Variants in PLEKHH2 observed in about 807,000 individuals in gnomAD.
PLEKHH2 encodes pleckstrin homology domain-containing family H member 2.
In PLEKHH2, 129 loss-of-function variants were observed where a neutral mutation model predicts 187.9. The observed-to-expected ratio is 0.69, with a 90% CI of 0.59 to 0.79. The LOEUF is 0.79. Among genes scored for constraint, PLEKHH2 ranks in the 30% least tolerant of loss-of-function variants. The pLI, the probability that PLEKHH2 is intolerant of heterozygous loss-of-function variation, is 0.00. For missense variants in PLEKHH2, 2,076 were observed against 1,751.2 expected (o/e 1.19, Z -3.31); for synonymous variants, 686 against 605.6 (o/e 1.13, Z -1.95).
chr2:43,685,176 A>G (rs1320670876), intron 3 of PLEKHH2, among the ~76,000 whole-genome samples: 2 of 152,220 alleles, frequency 1.3e-5, no homozygotes, highest in African/African-American at 4.8e-5. Context: ...TCATTCAACC[A>G]TGTCCTAAGA....
Position 43,678,315 on chromosome 2 carries a change from G to A in PLEKHH2, c.124-548G>A, listed in dbSNP as rs1411318590. 1.2e-4 allele frequency among the ~76,000 whole-genome samples: 18 copies of A among 152,226 alleles called. No individual in the cohort carries two copies. In the South Asian group the frequency reaches 3.1e-3, roughly 26 times the overall value. ...TCACTTCCCAGACGGGGTGGCGGCC[G>A]GGCAGAGGCTGCAATCTCGGCACTT... On this transcript the variant is annotated intron_variant, in intron 2 of 29. Transcript: ENST00000282406.
chr2:43,638,610 T>C (rs2104306520), intron 1 of PLEKHH2, among the ~76,000 whole-genome samples: 1 of 152,326 alleles, frequency 6.6e-6, no homozygotes, highest in East Asian at 1.9e-4. Context: ...AATCTAGACA[T>C]GATAGATTCC....
chr2:43,713,660 G>GCT (rs1553342331), intron 15 of PLEKHH2, among the ~76,000 whole-genome samples: 2 of 133,992 alleles, frequency 1.5e-5, no homozygotes, highest in African/African-American at 2.7e-5. Flanking sequence ...GCTTAATTCT[G>GCT]TTTTTTTTTT....
At chr2:43,726,196 G>A in intron 16 of PLEKHH2, 76 bp from the exon 17 acceptor site, 2 of 925,840 alleles carry the variant, frequency 2.2e-6, no homozygotes, top group South Asian at 4.0e-5. Context: ...ATTTAAAAAT[G>A]AAAAGGACTA....
intron 2 of PLEKHH2, among the ~76,000 whole-genome samples, chr2:43,660,254 G>A (rs1666999595): frequency 6.6e-6 from 1 of 152,084 alleles, no homozygotes; most frequent in Admixed American, 6.6e-5. Context: ...TTGTACGTGT[G>A]CACCATGATG....
chr2:43,748,034 G>C (rs893453317), intron 24 of PLEKHH2, among the ~76,000 whole-genome samples: 1 of 152,146 alleles, frequency 6.6e-6, no homozygotes, highest in Non-Finnish European at 1.5e-5. Context: ...ACACTCACAT[G>C]TTTATTACTA....
chr2:43,701,886 G>C (rs1310780793), intron 8 of PLEKHH2, among the ~76,000 whole-genome samples: 1 of 150,932 alleles, frequency 6.6e-6, no homozygotes, highest in Non-Finnish European at 1.5e-5. Flanking sequence ...TCCTGCCTTA[G>C]CCTCCCAAGT....
chr2:43,724,576 T>C (rs1253489031), intron 16 of PLEKHH2, among the ~76,000 whole-genome samples: 3 of 152,230 alleles, frequency 2.0e-5, no homozygotes, highest in East Asian at 1.9e-4. Context: ...AAGTTTTTCT[T>C]ACCCTTAAGA....
At position 43,637,340 on chromosome 2, in the gene PLEKHH2, T is replaced by C. The variant is rs1703151912; in HGVS notation, c.-43T>C. 6.6e-6 allele frequency: 1 copy of C among 152,242 alleles called. No individual in the cohort carries two copies. Among genetic ancestry groups the C allele is most frequent in the Non-Finnish European group, 1.5e-5 (1 of 68,168 alleles). 9.4% of individuals were successfully genotyped at this position (152,242 alleles called of 1,614,324 possible). A position where few individuals can be genotyped will look rare whatever the true frequency, so the allele number is the denominator to read the frequency against. On this transcript the variant is annotated 5_prime_UTR_variant, in exon 1 of 30. Coordinates refer to ENST00000282406, the MANE Select transcript of PLEKHH2 (RefSeq NM_172069.4). ...CCGGGGGCCAGTCGCGGCCGGGACA[T>C]CGGGCGCTGCGGCCGGGGACCCGCT...
chr2:43,738,294 A>G (rs777656281), intron 19 of PLEKHH2, 47 bp from the exon 20 acceptor site: 40 of 1,462,590 alleles, frequency 2.7e-5, no homozygotes, highest in Non-Finnish European at 3.6e-5. Flanking sequence ...TGCAGAATAA[A>G]TCTAATCACT....
At chr2:43,720,317 G>C (rs1367030438) in intron 15 of PLEKHH2, among the ~76,000 whole-genome samples, 5 of 151,738 alleles carry the variant, frequency 3.3e-5, no homozygotes, top group Admixed American at 6.6e-5. Context: ...TTTAGATATA[G>C]GGGGTGCACG....
Position 43,726,302 on chromosome 2 carries a change from G to A in PLEKHH2, c.2572G>A (p.Ala858Thr), listed in dbSNP as rs376834390. The change falls in exon 17 of 30, where the codon GCT becomes ACT. Residue 858 changes from alanine (A) to threonine (T), a missense_variant. Coordinates refer to ENST00000282406, the MANE Select transcript of PLEKHH2 (RefSeq NM_172069.4). ...TTTAGGTCAGATCAAACTCTGGGAGGCTAAAGTGGAAGAGGTTGACAGATC... is the reference window on the plus strand; with the variant it reads ...TTTAGGTCAGATCAAACTCTGGGAGACTAAAGTGGAAGAGGTTGACAGATC... ...FPLGQIKLWEAKVEEVDRSCD... is the reference protein window; with the variant it reads ...FPLGQIKLWETKVEEVDRSCD... The A allele has an allele frequency of 4.3e-6, 7 of 1,612,008 alleles. No homozygotes were observed. Among genetic ancestry groups the A allele is most frequent in the Middle Eastern group, 1.6e-4 (1 of 6,080 alleles).
chr2:43,694,975 T>C (rs1445684373), intron 5 of PLEKHH2, among the ~76,000 whole-genome samples, 168 bp from the exon 6 acceptor site: 1 of 152,156 alleles, frequency 6.6e-6, no homozygotes, highest in African/African-American at 2.4e-5. Flanking sequence ...ATTATCTAGG[T>C]CGATAGCCTA....
intron 24 of PLEKHH2, among the ~76,000 whole-genome samples, chr2:43,747,109 C>CCCTCT (rs1671814983): frequency 1.6e-5 from 2 of 126,190 alleles, no homozygotes; most frequent in African/African-American, 6.4e-5. Context: ...TCTCTCTCTC[C>CCCTCT]CTCTCTCTCT....
intron 2 of PLEKHH2, among the ~76,000 whole-genome samples, chr2:43,651,910 A>G (rs1226274432): frequency 6.6e-6 from 1 of 152,070 alleles, no homozygotes; most frequent in Non-Finnish European, 1.5e-5. Context: ...TCCTGTTTTT[A>G]TGTTTGTAAT....
At chr2:43,714,601 G>A (rs540871335) in intron 15 of PLEKHH2, among the ~76,000 whole-genome samples, 5 of 152,294 alleles carry the variant, frequency 3.3e-5, no homozygotes, top group African/African-American at 1.2e-4. Context: ...ATAGGTAGAT[G>A]CTAAGAACTT....
chr2:43,753,514 G>A, intron 24 of PLEKHH2, 105 bp from the exon 25 acceptor site: 1 of 829,802 alleles, frequency 1.2e-6, no homozygotes, highest in Non-Finnish European at 1.7e-6. Flanking sequence ...ATACCACTTA[G>A]AGTACTGTGT....
chr2:43,654,829 C>A (rs1266375669), intron 2 of PLEKHH2, among the ~76,000 whole-genome samples: 1 of 151,780 alleles, frequency 6.6e-6, no homozygotes, highest in Admixed American at 6.6e-5. Context: ...GAGTTCTAGA[C>A]CAGCCTGGAC....
chr2:43,707,812 T>C (rs1268921565), intron 11 of PLEKHH2, among the ~76,000 whole-genome samples: 1 of 152,154 alleles, frequency 6.6e-6, no homozygotes, highest in African/African-American at 2.4e-5. Context: ...TGAAGTGAGA[T>C]AATTGGCCAA....
Sources: allele counts gnomAD v4.1 joint callset (sites outside exome capture counted in the v4.1 genomes callset), GRCh38; gene constraint gnomAD v4.1.1; transcripts MANE v1.5; gene names NCBI Gene and HGNC (gene_info 2026-07-23, HGNC 2026-07-21).